BICDL1: variants seen among roughly 807,000 people sequenced by gnomAD.
BICDL1 encodes the protein BICD family like cargo adaptor 1, also known as BICD family-like cargo adapter 1.
A neutral mutation model predicts 76.8 loss-of-function variants in BICDL1; 20 were observed. The observed-to-expected ratio is 0.26, with a 90% CI of 0.18 to 0.38. The LOEUF is 0.38. Ranked by LOEUF, BICDL1 falls within the 10% of genes least tolerant of loss-of-function variation. BICDL1 has a pLI of 1.00. For missense variants in BICDL1, 700 were observed against 798.6 expected (o/e 0.88, Z 1.49); for synonymous variants, 383 against 337.1 (o/e 1.14, Z -1.49).
chr12:120,013,439 AGTGTGTGTGT>A lies in BICDL1; in HGVS notation c.645+14738_645+14747del, dbSNP rs35499277. ...TTGCAGGGACTATGTCTTTAACCAG[AGTGTGTGTGT>A]GTGTGTGTGTGTGTGTGTGTGTGTG... On this transcript the variant is annotated intron_variant, in intron 2 of 9. Coordinates refer to ENST00000548673, the MANE Select transcript of BICDL1 (RefSeq NM_001367886.1). Among the ~76,000 whole-genome samples the A allele has an allele frequency of 9.4e-3, 1,262 of 134,884 alleles. 22 individuals carry two copies. The highest frequency in any genetic ancestry group is 0.028 in the African/African-American group (1,011 of 36,058). The allele number at this position is 134,884 out of a possible 152,430, so 88.5% of individuals were successfully genotyped here. A position where few individuals can be genotyped will look rare whatever the true frequency, so the allele number is the denominator to read the frequency against.
chr12:119,999,852 A>G (rs1327277012), intron 2 of BICDL1: 2 of 426,664 alleles, frequency 4.7e-6, no homozygotes, highest in Non-Finnish European at 4.6e-6. Context: ...AGGAAAAAGA[A>G]CTTCTCTGAT....
intron 2 of BICDL1, among the ~76,000 whole-genome samples, chr12:120,047,477 T>C (rs1428305333): frequency 1.3e-5 from 2 of 152,190 alleles, no homozygotes; most frequent in African/African-American, 2.4e-5. Context: ...ACCTGCAAAA[T>C]TAGGGTTTTG....
intron 2 of BICDL1, among the ~76,000 whole-genome samples, chr12:120,041,535 C>T (rs1329258376): frequency 6.6e-6 from 1 of 151,864 alleles, no homozygotes; most frequent in Non-Finnish European, 1.5e-5. Flanking sequence ...GGGCAGGGGG[C>T]GGGGGCAATA....
intron 2 of BICDL1, among the ~76,000 whole-genome samples, chr12:120,055,543 A>G (rs2138870739): frequency 6.6e-6 from 1 of 152,372 alleles, no homozygotes; most frequent in Admixed American, 6.5e-5. Context: ...ATTAAATAAT[A>G]GTAACCCAAG....
chr12:120,082,425 T>G (rs1874063067), intron 8 of BICDL1, among the ~76,000 whole-genome samples: 1 of 151,956 alleles, frequency 6.6e-6, no homozygotes, highest in Admixed American at 6.6e-5. Flanking sequence ...GCTAATTTTT[T>G]GTATTTTTGT....
chr12:120,011,394 C>T (rs565640434), intron 2 of BICDL1, among the ~76,000 whole-genome samples: 1 of 152,302 alleles, frequency 6.6e-6, no homozygotes, highest in African/African-American at 2.4e-5. Context: ...GAGTCCTGGG[C>T]TTCAGTTTTC....
chr12:120,083,228 A>C (rs540885243), intron 8 of BICDL1, among the ~76,000 whole-genome samples: 2 of 152,112 alleles, frequency 1.3e-5, no homozygotes, highest in Non-Finnish European at 2.9e-5. Flanking sequence ...ACATATTTAC[A>C]TATCCCCTAT....
chr12:120,068,250 G>T (rs952609996), intron 4 of BICDL1, among the ~76,000 whole-genome samples: 8 of 152,202 alleles, frequency 5.3e-5, no homozygotes, highest in Non-Finnish European at 8.8e-5. Flanking sequence ...TGGAACAGAG[G>T]TGACCCCAGA....
chr12:120,089,755 T>TG (rs529921588), intron 8 of BICDL1, among the ~76,000 whole-genome samples, 196 bp from the exon 9 acceptor site: 162 of 152,330 alleles, frequency 1.1e-3, no homozygotes, highest in African/African-American at 3.5e-3. Flanking sequence ...TTATGAAAAC[T>TG]GGGAGAATAT....
rs201124505 is a variant in BICDL1, at chr12:119,998,806, T to C, written c.645+70T>C. ...GAAATAGGCTGGGCATGGAGGCTTA[T>C]GCCTGTGACGCCAGCATTTCGGGAG... On this transcript the variant is annotated intron_variant, in intron 2 of 9. Transcript: ENST00000548673. 485 of 1,438,342 alleles carry C rather than the reference T, an allele frequency of 3.4e-4. 9 individuals carry two copies. The South Asian group carries it at 5.2e-3, about 15-fold the overall frequency. 89.1% of individuals were successfully genotyped at this position (1,438,342 alleles called of 1,614,324 possible).
At chr12:120,022,346 T>C (rs936812131) in intron 2 of BICDL1, among the ~76,000 whole-genome samples, 1 of 150,920 alleles carries the variant, frequency 6.6e-6, no homozygotes, top group African/African-American at 2.4e-5. Context: ...GGAGCATTGC[T>C]TGAGCTCAGG....
chr12:120,055,896 G>A (rs1359217934), intron 2 of BICDL1, among the ~76,000 whole-genome samples: 2 of 152,172 alleles, frequency 1.3e-5, no homozygotes, highest in Non-Finnish European at 2.9e-5. Flanking sequence ...GTGAATGTGC[G>A]TATTCTTTTA....
At position 119,989,300 on chromosome 12, in the gene BICDL1, C is replaced by T. The variant is rs1043294971; in HGVS notation, c.-569C>T. On this transcript the variant is annotated 5_prime_UTR_variant, in exon 1 of 10. Transcript: ENST00000548673. ...GCCGCCGCCTCGGCCCCTGCAGCAG[C>T]AGCAGCCGCCGTCGCCGCCGCTGCT... 6.6e-6 allele frequency among the ~76,000 whole-genome samples: 1 copy of T among 150,568 alleles called. No homozygotes were observed. The highest frequency in any genetic ancestry group is 2.4e-5 in the African/African-American group (1 of 41,222).
At chr12:120,065,270 T>G (rs1372555449) in intron 4 of BICDL1, among the ~76,000 whole-genome samples, 1 of 152,144 alleles carries the variant, frequency 6.6e-6, no homozygotes, top group Non-Finnish European at 1.5e-5. Context: ...GCTGCTGTCT[T>G]CCCAAGCTCA....
intron 2 of BICDL1, among the ~76,000 whole-genome samples, chr12:120,023,789 C>T (rs867402546): frequency 5.8e-5 from 8 of 137,564 alleles, no homozygotes; most frequent in African/African-American, 1.9e-4. Context: ...AATTCCATCT[C>T]GAAAAAAAAA....
intron 4 of BICDL1, among the ~76,000 whole-genome samples, chr12:120,069,357 T>C (rs1464966713): frequency 2.0e-5 from 3 of 152,196 alleles, no homozygotes; most frequent in Non-Finnish European, 4.4e-5. Context: ...TTTCTGCCCG[T>C]GAGAGTTAGA....
At position 120,064,847 on chromosome 12, in the gene BICDL1, C is replaced by T. The variant is rs751434273; in HGVS notation, c.877C>T (p.Leu293=). The T allele has an allele frequency of 1.9e-6, 3 of 1,612,952 alleles. No individual in the cohort carries two copies. Among genetic ancestry groups the T allele is most frequent in the South Asian group, 2.2e-5 (2 of 90,984 alleles). The part of the protein sequence containing the change: ...VEELQDRVLI[L]ERQGHDKDLQ... ...GGAGCTACAGGACCGGGTGCTAATCCTGGAGAGGCAGGGCCATGACAAGGA... is the reference window on the plus strand; with the variant it reads ...GGAGCTACAGGACCGGGTGCTAATCTTGGAGAGGCAGGGCCATGACAAGGA... The change falls in exon 4 of 10, where the codon CTG becomes TTG. Residue 293 remains leucine (L), a synonymous_variant. Coordinates refer to ENST00000548673, the MANE Select transcript of BICDL1 (RefSeq NM_001367886.1).
chr12:120,041,103 G>A (rs1360890258), intron 2 of BICDL1, among the ~76,000 whole-genome samples: 1 of 152,114 alleles, frequency 6.6e-6, no homozygotes, highest in Non-Finnish European at 1.5e-5. Context: ...TAAGGAAATA[G>A]CATTATGTTT....
chr12:120,051,254 G>A lies in BICDL1; in HGVS notation c.646-10456G>A, dbSNP rs762641942. Among the ~76,000 whole-genome samples, 3 of 151,758 alleles carry A rather than the reference G, an allele frequency of 2.0e-5. No homozygotes were observed. In the East Asian group the frequency reaches 5.9e-4, roughly 30 times the overall value. Reference sequence around the variant, plus strand: ...GTAGAGACGGCATTTCACCATGTTGGCCAGGCTGGTCTCAAAATCCTGACT... The same window carrying A: ...GTAGAGACGGCATTTCACCATGTTGACCAGGCTGGTCTCAAAATCCTGACT... On this transcript the variant is annotated intron_variant, in intron 2 of 9. Coordinates refer to ENST00000548673, the MANE Select transcript of BICDL1 (RefSeq NM_001367886.1).
Sources: allele counts gnomAD v4.1 joint callset (sites outside exome capture counted in the v4.1 genomes callset), GRCh38; gene constraint gnomAD v4.1.1; transcripts MANE v1.5; gene names NCBI Gene and HGNC (gene_info 2026-07-23, HGNC 2026-07-21).